RNASEH1: variants seen among roughly 807,000 people sequenced by gnomAD.
RNASEH1 encodes the protein ribonuclease H1.
RNASEH1 carries 27 observed loss-of-function variants against 34.6 expected under a neutral mutation model. That is an observed-to-expected ratio of 0.78 (90% CI 0.58 to 1.08). The LOEUF is 1.08. RNASEH1 is among the 50% of genes least tolerant of loss of function. The pLI is 0.00. For synonymous variants in RNASEH1, 162 were observed against 138.4 expected, an observed-to-expected ratio of 1.17 and a Z score of -1.20; for missense variants, 349 against 373.6, an observed-to-expected ratio of 0.93 and a Z score of 0.54.
chr2:3,556,855 T>C lies in RNASEH1; in HGVS notation c.178A>G (p.Lys60Glu). Reference sequence around the variant, plus strand: ...CAGGCCTCATCCTCTGTGGCAAACTTCTTAAATCTGGCAGCAGGAAACCGG... The same window carrying C: ...CAGGCCTCATCCTCTGTGGCAAACTCCTTAAATCTGGCAGCAGGAAACCGG... The part of the protein sequence containing the change: ...VDRFPAARFK[K>E]FATEDEAWAF... Residue 60 changes from lysine (K) to glutamate (E), a missense_variant, in exon 2 of 8, where the codon AAG becomes GAG. Physicochemically the swap from Lys to Glu is moderately conservative, Grantham distance 56 (BLOSUM62 1). Transcript: ENST00000315212. The C allele has an allele frequency of 6.2e-7, 1 of 1,614,142 alleles. No individual in the cohort carries two copies. Among genetic ancestry groups the C allele is most frequent in the Non-Finnish European group, 8.5e-7 (1 of 1,179,968 alleles).
chr2:3,546,000 C>T, intron 7 of RNASEH1, 129 bp from the exon 8 acceptor site: 1 of 685,470 alleles, frequency 1.5e-6, no homozygotes, highest in Non-Finnish European at 2.6e-6. Flanking sequence ...CGCTCCTCTC[C>T]CCAGACATGA....
intron 4 of RNASEH1, among the ~76,000 whole-genome samples, chr2:3,549,323 G>A (rs2103335960): frequency 6.6e-6 from 1 of 152,304 alleles, no homozygotes; most frequent in East Asian, 1.9e-4. Flanking sequence ...CTAGGGCAAA[G>A]GAAGTAAAAG....
At chr2:3,532,444 T>C in the RNASEH1 span, 1 of 683,138 alleles carries the variant, frequency 1.5e-6, no homozygotes, top group Non-Finnish European at 2.7e-6. Flanking sequence ...GGGGCCCCGT[T>C]ACTCAGCCTC....
chr2:3,547,408 T>A (rs1033425988), intron 7 of RNASEH1, among the ~76,000 whole-genome samples: 26 of 152,058 alleles, frequency 1.7e-4, no homozygotes, highest in African/African-American at 5.6e-4. Flanking sequence ...ACTTCTTGGC[T>A]TAAGTAGTCA....
intron 4 of RNASEH1, 67 bp from the exon 5 acceptor site, chr2:3,549,179 G>T: frequency 8.4e-7 from 1 of 1,186,192 alleles, no homozygotes; most frequent in Non-Finnish European, 1.3e-6. Context: ...TCTTCTTAAT[G>T]GATAACGATA....
In RNASEH1 at chr2:3,544,493, A is replaced by G. The variant is rs534347351; in HGVS notation, c.*1292T>C. 4.6e-5 allele frequency among the ~76,000 whole-genome samples: 7 copies of G among 152,318 alleles called. No homozygotes were observed. Among genetic ancestry groups the G allele is most frequent in the African/African-American group, 1.4e-4 (6 of 41,574 alleles). The stretch of plus-strand genomic sequence containing the variant: ...TAAACAAAAAAAAGCAGACAAGACT[A>G]AACTGCCATCAAAAAACCAAGAAAG... On this transcript the variant is annotated 3_prime_UTR_variant, in exon 8 of 8. Transcript: ENST00000315212.
downstream of RNASEH1, among the ~76,000 whole-genome samples, chr2:3,537,915 T>C (rs1333478200): frequency 6.6e-6 from 1 of 152,094 alleles, no homozygotes; most frequent in Admixed American, 6.6e-5. Flanking sequence ...TGCATGCCTG[T>C]AATCCCAGCT....
At chr2:3,533,067 C>G in the RNASEH1 span, 6 of 152,376 alleles carry the variant, frequency 3.9e-5, no homozygotes, top group Non-Finnish European at 8.8e-5. Context: ...AAGAGAGCCG[C>G]GAGGCTTGCT....
chr2:3,535,172 C>T, the RNASEH1 span, among the ~76,000 whole-genome samples: 11 of 152,208 alleles, frequency 7.2e-5, no homozygotes, highest in African/African-American at 2.4e-4. Context: ...AAGCCCAGCA[C>T]TTGGGGACGG....
chr2:3,535,662 T>C, the RNASEH1 span, among the ~76,000 whole-genome samples: 1 of 148,616 alleles, frequency 6.7e-6, no homozygotes, highest in Non-Finnish European at 1.5e-5. Flanking sequence ...GGGACACCTG[T>C]GGGTGTGGGG....
At chr2:3,556,319 T>TC (rs796657459) in intron 2 of RNASEH1, among the ~76,000 whole-genome samples, 14 of 151,468 alleles carry the variant, frequency 9.2e-5, no homozygotes, top group African/African-American at 3.4e-4. Flanking sequence ...TTTTTTTTTT[T>TC]TTTTTTTGAC....
chr2:3,540,179 CTGATA>C (rs1199816258), downstream of RNASEH1, among the ~76,000 whole-genome samples: 2 of 152,108 alleles, frequency 1.3e-5, no homozygotes, highest in Non-Finnish European at 2.9e-5. Flanking sequence ...GTAGCACAAT[CTGATA>C]TGACAGTCAC....
intron 2 of RNASEH1, among the ~76,000 whole-genome samples, chr2:3,553,557 T>A (rs936781707): frequency 2.9e-5 from 4 of 139,034 alleles, no homozygotes; most frequent in Non-Finnish European, 6.1e-5. Flanking sequence ...ACCCAGCTAA[T>A]TTTTTTGTAT....
rs528226453 is a variant in RNASEH1 at position 3,558,310 on chromosome 2, C to G, written c.-50G>C. On this transcript the variant is annotated 5_prime_UTR_variant, in exon 1 of 8. Transcript: ENST00000315212. ...ATTTCGACTCCCGGCCCAGCGTGGG[C>G]GCGAGCCGCCGGCGCTCAACACCGC... 1.2e-4 allele frequency: 182 copies of G among 1,473,792 alleles called. 1 individual carries two copies. In the East Asian group the frequency reaches 4.7e-3, roughly 38 times the overall value. 91.3% of individuals were successfully genotyped at this position (1,473,792 alleles called of 1,614,324 possible).
intron 6 of RNASEH1, 93 bp downstream of exon 6, chr2:3,548,547 T>C: frequency 5.1e-6 from 4 of 776,958 alleles, no homozygotes; most frequent in Non-Finnish European, 6.5e-6. Context: ...CATCCCCCCG[T>C]TCCCATTTGG....
intron 3 of RNASEH1, among the ~76,000 whole-genome samples, chr2:3,551,940 G>T (rs1174033802): frequency 6.6e-6 from 1 of 152,174 alleles, no homozygotes; most frequent in African/African-American, 2.4e-5. Flanking sequence ...TACATGTAAG[G>T]GTTTTCCTAA....
Position 3,543,533 on chromosome 2 carries a change from A to G in RNASEH1, c.*2252T>C, listed in dbSNP as rs114167016. ...AGCCAAGCTGAAGAGGCTCCCTCTCACTGACCGAATAAGCTAGTCTGAGCT... is the reference window on the plus strand; with the variant it reads ...AGCCAAGCTGAAGAGGCTCCCTCTCGCTGACCGAATAAGCTAGTCTGAGCT... On this transcript the variant is annotated 3_prime_UTR_variant, in exon 8 of 8. Coordinates refer to ENST00000315212, the MANE Select transcript of RNASEH1 (RefSeq NM_002936.6). Among the ~76,000 whole-genome samples, 1,449 of 152,222 alleles carry G rather than the reference A, an allele frequency of 9.5e-3. 27 individuals carry two copies. The highest frequency in any genetic ancestry group is 0.033 in the African/African-American group (1,362 of 41,542).
chr2:3,545,063 CTGTGCCCAGCCGG>C lies in RNASEH1; in HGVS notation c.*709_*721del, dbSNP rs1377327295. The stretch of plus-strand genomic sequence containing the variant: ...GTGCTAGGATTACAGAAGTGAGCCA[CTGTGCCCAGCCGG>C]TGTCTTACTTTTTTTTTTTTTTTTT... On this transcript the variant is annotated 3_prime_UTR_variant, in exon 8 of 8. Transcript: ENST00000315212. The C allele has an allele frequency of 6.6e-6, 1 of 150,444 alleles. No individual in the cohort carries two copies. Among genetic ancestry groups the C allele is most frequent in the Non-Finnish European group, 1.5e-5 (1 of 67,834 alleles). 9.3% of individuals were successfully genotyped at this position (150,444 alleles called of 1,614,324 possible).
downstream of RNASEH1, chr2:3,536,769 G>T (rs1380626158): frequency 6.6e-6 from 1 of 152,230 alleles, no homozygotes; most frequent in African/African-American, 2.4e-5. Context: ...CACAGGCTCG[G>T]GGGCTTGAAA....
Sources: allele counts gnomAD v4.1 joint callset (sites outside exome capture counted in the v4.1 genomes callset), GRCh38; gene constraint gnomAD v4.1.1; transcripts MANE v1.5; gene names NCBI Gene and HGNC (gene_info 2026-07-23, HGNC 2026-07-21).